The following NSL1 variants were observed in gnomAD, a reference collection of about 807,000 sequenced individuals.
The protein encoded by NSL1 is NSL1 component of MIS12 kinetochore complex.
NSL1 carries 11 observed loss-of-function variants against 25.4 expected under a neutral mutation model. That is an observed-to-expected ratio of 0.43 (90% CI 0.27 to 0.72). The LOEUF is 0.72. Ranked by LOEUF, NSL1 falls within the 30% of genes least tolerant of loss-of-function variation. NSL1 has a pLI of 0.19. For missense variants in NSL1, 330 were observed against 342.7 expected (o/e 0.96, Z 0.29); for synonymous variants, 118 against 120.6 (o/e 0.98, Z 0.14).
Position 212,731,577 on chromosome 1 carries a change from A to G in NSL1, c.*6831T>C, listed in dbSNP as rs149401632. The G allele has an allele frequency of 1.1e-4, 112 of 985,426 alleles. No individual in the cohort carries two copies. The highest frequency in any genetic ancestry group is 1.3e-4 in the Non-Finnish European group (109 of 829,928). 61.0% of individuals were successfully genotyped at this position (985,426 alleles called of 1,614,324 possible). A position where few individuals can be genotyped will look rare whatever the true frequency, so the allele number is the denominator to read the frequency against. On this transcript the variant is annotated 3_prime_UTR_variant, in exon 6 of 6. Coordinates refer to ENST00000366977, the MANE Select transcript of NSL1 (RefSeq NM_015471.4). ...TAAAAATCAAATCTATGAGGCTTCT[A>G]TCAAAAATTATCAGTCCCTGGCCCA... is the stretch of plus-strand genomic sequence containing the variant.
intron 4 of NSL1, among the ~76,000 whole-genome samples, chr1:212,750,395 A>G (rs968182684): frequency 1.3e-5 from 2 of 152,062 alleles, no homozygotes; most frequent in Non-Finnish European, 2.9e-5. Context: ...GGAACCAGGA[A>G]ACACGATTTA....
At chr1:212,766,260 A>G (rs2102375735) in intron 4 of NSL1, 1 of 638,502 alleles carries the variant, frequency 1.6e-6, no homozygotes, top group Non-Finnish European at 2.8e-6. Context: ...AGTTGAAAGC[A>G]TTCCCGTTGA....
At chr1:212,741,943 A>G (rs1479323138) in intron 4 of NSL1, among the ~76,000 whole-genome samples, 1 of 152,124 alleles carries the variant, frequency 6.6e-6, no homozygotes, top group Non-Finnish European at 1.5e-5. Flanking sequence ...GCCTTGCTAC[A>G]GGCTCCCACT....
chr1:212,728,269 T>C lies in NSL1; in HGVS notation c.*10139A>G, dbSNP rs1056640464. 8.2e-6 allele frequency: 8 copies of C among 969,938 alleles called. No individual in the cohort carries two copies. In the African/African-American group the frequency reaches 1.1e-4, roughly 13 times the overall value. 60.1% of individuals were successfully genotyped at this position (969,938 alleles called of 1,614,324 possible). A position where few individuals can be genotyped will look rare whatever the true frequency, so the allele number is the denominator to read the frequency against. ...CAGCAAATAAGTTGATAACATTATA[T>C]ATGTAAACATTTATTTAAAGTATTT... On this transcript the variant is annotated 3_prime_UTR_variant, in exon 6 of 6. Transcript: ENST00000366977.
intron 4 of NSL1, among the ~76,000 whole-genome samples, chr1:212,756,811 C>T (rs950433361): frequency 2.0e-5 from 3 of 151,902 alleles, no homozygotes; most frequent in Non-Finnish European, 1.5e-5. Flanking sequence ...CAGAGCAAGG[C>T]TCCGTCTCAA....
At chr1:212,754,769 C>CCAAAAAAAAAAA (rs1659223377) in intron 4 of NSL1, among the ~76,000 whole-genome samples, 1 of 71,326 alleles carries the variant, frequency 1.4e-5, no homozygotes, top group African/African-American at 6.1e-5. Flanking sequence ...AATTCTGTCT[C>CCAAAAAAAAAAA]AAAAAAAAAA....
chr1:212,739,902 C>T (rs1658426991), intron 4 of NSL1, among the ~76,000 whole-genome samples: 1 of 152,128 alleles, frequency 6.6e-6, no homozygotes, highest in Non-Finnish European at 1.5e-5. Flanking sequence ...CATCTTTGAG[C>T]ACTATCATCA....
At chr1:212,789,813 TG>T (rs1411136930) in intron 1 of NSL1, among the ~76,000 whole-genome samples, 1 of 152,226 alleles carries the variant, frequency 6.6e-6, no homozygotes, top group African/African-American at 2.4e-5. Context: ...GACACCTAAA[TG>T]TTTTAAATAC....
At chr1:212,750,037 C>A (rs979123349) in intron 4 of NSL1, among the ~76,000 whole-genome samples, 1 of 151,154 alleles carries the variant, frequency 6.6e-6, no homozygotes, top group African/African-American at 2.4e-5. Context: ...GCAGTACTAA[C>A]CCCAGTGAGA....
chr1:212,768,246 G>C (rs1186995527), intron 4 of NSL1, among the ~76,000 whole-genome samples: 1 of 150,622 alleles, frequency 6.6e-6, no homozygotes, highest in African/African-American at 2.4e-5. Flanking sequence ...CGTGCACCTG[G>C]GAGGCGGAGC....
intron 4 of NSL1, among the ~76,000 whole-genome samples, chr1:212,779,274 C>T (rs534070965): frequency 1.0e-4 from 14 of 133,718 alleles, no homozygotes; most frequent in African/African-American, 3.6e-4. Flanking sequence ...CGCCCCGTCT[C>T]GGAGGGAGGT....
chr1:212,770,729 A>G (rs1660064451), intron 4 of NSL1, among the ~76,000 whole-genome samples: 2 of 152,234 alleles, frequency 1.3e-5, no homozygotes, highest in South Asian at 4.1e-4. Flanking sequence ...AAAACCAGAC[A>G]AGGACACAAC....
chr1:212,762,597 A>G (rs1247620587), intron 4 of NSL1, among the ~76,000 whole-genome samples: 1 of 152,180 alleles, frequency 6.6e-6, no homozygotes, highest in Non-Finnish European at 1.5e-5. Context: ...AGCAGGCTGG[A>G]GCCTACTGCA....
chr1:212,788,760 A>C (rs954614376), intron 1 of NSL1, among the ~76,000 whole-genome samples: 8 of 152,258 alleles, frequency 5.3e-5, no homozygotes, highest in African/African-American at 1.9e-4. Context: ...TAAAGTCAAA[A>C]TTAGAAGAGT....
chr1:212,755,702 G>T (rs1441551975), intron 4 of NSL1, among the ~76,000 whole-genome samples: 1 of 151,762 alleles, frequency 6.6e-6, no homozygotes, highest in Non-Finnish European at 1.5e-5. Flanking sequence ...TGTGGGATGT[G>T]ACAGATTGGG....
At chr1:212,745,023 C>T (rs112389998) in intron 4 of NSL1, among the ~76,000 whole-genome samples, 30,908 of 151,704 alleles carry the variant, frequency 0.2, 3,942 homozygotes, top group African/African-American at 0.37. Flanking sequence ...GTAGTCCCAC[C>T]TACTCTGGAG....
In NSL1 at chr1:212,727,208, T is replaced by G. The variant is rs1437895428; in HGVS notation, c.*11200A>C. ...ATGTGTTAAATGGGGGTGAATGGAA[T>G]TTAGAAGATCTCTTTTTCTGAAAAC... On this transcript the variant is annotated 3_prime_UTR_variant, in exon 6 of 6. Transcript: ENST00000366977. The G allele has an allele frequency of 6.6e-7, 1 of 1,511,974 alleles. No individual in the cohort carries two copies. Among genetic ancestry groups the G allele is most frequent in the Non-Finnish European group, 8.9e-7 (1 of 1,128,982 alleles). 93.7% of individuals were successfully genotyped at this position (1,511,974 alleles called of 1,614,324 possible).
chr1:212,745,173 T>A lies in NSL1; in HGVS notation c.500-5572A>T, dbSNP rs575596305. On this transcript the variant is annotated intron_variant, in intron 4 of 5. Coordinates refer to ENST00000366977, the MANE Select transcript of NSL1 (RefSeq NM_015471.4). ...CAAACAAACAAACTATATATATATA[T>A]ATATATATATATATATATATATATA... 2.7e-4 allele frequency among the ~76,000 whole-genome samples: 7 copies of A among 25,664 alleles called. No homozygotes were observed. The South Asian group carries it at 7.4e-3, about 27-fold the overall frequency. 16.8% of individuals were successfully genotyped at this position (25,664 alleles called of 152,430 possible).
rs576743559 is a variant in NSL1 at position 212,726,798 on chromosome 1, G to C, written c.*11610C>G. On this transcript the variant is annotated 3_prime_UTR_variant, in exon 6 of 6. Transcript: ENST00000366977. ...GAGAGGCTGCCAGCCACCTCGGTGG[G>C]GTCCTCCCACAATCCTCCATGTGGC... 4 of 237,646 alleles carry C rather than the reference G, an allele frequency of 1.7e-5. No homozygotes were observed. Among genetic ancestry groups the C allele is most frequent in the African/African-American group, 9.0e-5 (4 of 44,466 alleles). The allele number at this position is 237,646 out of a possible 1,614,324, so 14.7% of individuals were successfully genotyped here. A position where few individuals can be genotyped will look rare whatever the true frequency, so the allele number is the denominator to read the frequency against.
Sources: allele counts gnomAD v4.1 joint callset (sites outside exome capture counted in the v4.1 genomes callset), GRCh38; gene constraint gnomAD v4.1.1; transcripts MANE v1.5; gene names NCBI Gene and HGNC (gene_info 2026-07-23, HGNC 2026-07-21).